CNTROB: variants seen among roughly 807,000 people sequenced by gnomAD.
CNTROB encodes the protein centrobin, centriole duplication and spindle assembly protein.
Under a neutral mutation model 115.7 loss-of-function variants are expected in CNTROB, and 82 were observed. The ratio of observed to expected loss-of-function variants is 0.71; its 90% CI spans 0.59 to 0.85. CNTROB has a LOEUF of 0.85. CNTROB is among the 40% of genes least tolerant of loss of function. CNTROB has a pLI of 0.00. For synonymous variants in CNTROB, 439 were observed against 456.4 expected, an observed-to-expected ratio of 0.96 and a Z score of 0.49; for missense variants, 1,014 against 1,144.4, an observed-to-expected ratio of 0.89 and a Z score of 1.64.
rs1974108473 is a variant in CNTROB at position 7,943,079 on chromosome 17, G to C, written c.1312-312G>C. On this transcript the variant is annotated intron_variant, in intron 9 of 18. Coordinates refer to ENST00000563694, the MANE Select transcript of CNTROB (RefSeq NM_053051.5). This position sits in a 1 kb window ranked among gnomAD's most constrained non-coding sequence, Gnocchi z 4.7. The stretch of plus-strand genomic sequence containing the variant: ...GCCTCCCAAAGTGCTAGGATTACAG[G>C]CGTGAGCCACCGCGCCCAGCCTCAG... 1.3e-5 allele frequency among the ~76,000 whole-genome samples: 2 copies of C among 152,068 alleles called. No homozygotes were observed. The highest frequency in any genetic ancestry group is 4.2e-4 in the South Asian group (2 of 4,814).
chr17:7,935,426 T>A lies in CNTROB; in HGVS notation c.594+281T>A, dbSNP rs915508128. 2.0e-5 allele frequency among the ~76,000 whole-genome samples: 3 copies of A among 150,816 alleles called. No homozygotes were observed. The South Asian group carries it at 6.3e-4, about 32-fold the overall frequency. ...CTGAGGCAGGAGAATGGCGTGAACC[T>A]GGGAGGCGGAGCTTGCAGTGAGCCG... On this transcript the variant is annotated intron_variant, in intron 4 of 18. Coordinates refer to ENST00000563694, the MANE Select transcript of CNTROB (RefSeq NM_053051.5).
intron 1 of CNTROB, among the ~76,000 whole-genome samples, chr17:7,933,604 G>A (rs1040522221): frequency 3.3e-5 from 5 of 152,146 alleles, no homozygotes; most frequent in Non-Finnish European, 5.9e-5. Context: ...CAAACCTATG[G>A]GGTAGGTTGG....
chr17:7,948,139 A>T lies in CNTROB; in HGVS notation c.2210-18A>T, dbSNP rs779056912. On this transcript the variant is annotated intron_variant, in intron 15 of 18. Transcript: ENST00000563694. The surrounding 1 kb of genome is among the most constrained non-coding windows in gnomAD (Gnocchi z 4.4). ...TATGCCCCATTTCCTGATTCTTGGC[A>T]TTCTTTCCTTTTGCTAGGTCCTCTG... is the stretch of plus-strand genomic sequence containing the variant. The T allele has an allele frequency of 5.5e-5, 89 of 1,613,916 alleles. No homozygotes were observed. Among genetic ancestry groups the T allele is most frequent in the Non-Finnish European group, 7.5e-5 (88 of 1,179,896 alleles).
Position 7,935,150 on chromosome 17 carries a change from G to C in CNTROB, c.594+5G>C. 6.2e-7 allele frequency: 1 copy of C among 1,614,168 alleles called. No homozygotes were observed. The highest frequency in any genetic ancestry group is 8.5e-7 in the Non-Finnish European group (1 of 1,180,042). On this transcript the variant is annotated splice_donor_5th_base_variant and intron_variant, in intron 4 of 18. Coordinates refer to ENST00000563694, the MANE Select transcript of CNTROB (RefSeq NM_053051.5). ...TCAGAGCATACCCGCCGCAAGGTAA[G>C]ATGCAAACGCTTCCTTTCGAAAGCA... is the stretch of plus-strand genomic sequence containing the variant.
intron 12 of CNTROB, 86 bp from the exon 13 acceptor site, chr17:7,945,642 A>G (rs1463641164): frequency 2.1e-6 from 3 of 1,410,054 alleles, no homozygotes; most frequent in Non-Finnish European, 2.9e-6. Context: ...CCGGAAATTT[A>G]TAATCTTATT....
intron 7 of CNTROB, 89 bp downstream of exon 7, chr17:7,937,351 A>C: frequency 1.3e-6 from 2 of 1,504,564 alleles, no homozygotes; most frequent in Non-Finnish European, 1.8e-6. Flanking sequence ...GGGAGATTAT[A>C]ATTTGAGTTG....
At chr17:7,940,461 C>G (rs73235738) in intron 9 of CNTROB, among the ~76,000 whole-genome samples, 4,274 of 152,212 alleles carry the variant, frequency 0.028, 185 homozygotes, top group African/African-American at 0.088. Flanking sequence ...CCTAGTGTTA[C>G]TTTTAGGATT....
At position 7,932,341 on chromosome 17, in the gene CNTROB, G is replaced by A. The variant is rs4435314; in HGVS notation, c.-739G>A. On this transcript the variant is annotated 5_prime_UTR_variant, in exon 1 of 19. Transcript: ENST00000563694. The stretch of plus-strand genomic sequence containing the variant: ...AGGACTGGAAGGGTGGAGAGTAGGC[G>A]GAACCAGGTGGTCGTCGGGGCAGAG... 74,313 of 164,484 alleles carry A rather than the reference G, an allele frequency of 0.45. 17,478 individuals are homozygous for A. Among genetic ancestry groups the A allele is most frequent in the East Asian group, 0.72 (3,907 of 5,412 alleles). 10.2% of individuals were successfully genotyped at this position (164,484 alleles called of 1,614,324 possible).
rs538266374 is a variant in CNTROB at position 7,949,410 on chromosome 17, G to A, written c.2612G>A (p.Arg871His). The A allele has an allele frequency of 3.0e-5, 49 of 1,613,966 alleles. 1 individual carries two copies. Among genetic ancestry groups the A allele is most frequent in the Middle Eastern group, 3.3e-4 (2 of 6,062 alleles). ...KEIPSQAVPR[R>H]LATAPKTEKP... Reference sequence around the variant, plus strand: ...ATTCCCTCCCAGGCTGTCCCTCGCCGCCTTGCTACAGCCCCCAAGACTGAA... The same window carrying A: ...ATTCCCTCCCAGGCTGTCCCTCGCCACCTTGCTACAGCCCCCAAGACTGAA... Residue 871 changes from arginine to histidine, a missense_variant, in exon 19 of 19, where the codon CGC (arginine) becomes CAC (histidine). By Grantham distance (29) the Arg-to-His change is conservative. Coordinates refer to ENST00000563694, the MANE Select transcript of CNTROB (RefSeq NM_053051.5).
In CNTROB at chr17:7,945,949, G is replaced by T. The variant is rs778482409; in HGVS notation, c.1956G>T (p.Gln652His). 1.9e-6 allele frequency: 3 copies of T among 1,614,046 alleles called. No homozygotes were observed. The highest frequency in any genetic ancestry group is 2.7e-5 in the African/African-American group (2 of 74,930). The change falls in exon 13 of 19, where the codon CAG becomes CAT. Residue 652 changes from glutamine (Q) to histidine (H), a missense_variant. Physicochemically the swap from Gln to His is conservative, Grantham distance 24 (BLOSUM62 0). Transcript: ENST00000563694. ...GPSFQSQHSF[Q>H]PLEPKPDLTS... ...CTTTTCAGAGCCAGCATTCTTTCCA[G>T]CCCCTGGAGCCCAAACCAGACCTCA...
Position 7,935,494 on chromosome 17 carries a change from T to G in CNTROB, c.594+349T>G, listed in dbSNP as rs370251307. 2.7e-5 allele frequency among the ~76,000 whole-genome samples: 4 copies of G among 148,196 alleles called. No homozygotes were observed. In the East Asian group the frequency reaches 8.0e-4, roughly 30 times the overall value. ...TCCAGCCTGGGCGACAGAGCGAGAC[T>G]CCGTCTCAAAAAAAAAAAACTAAAA... On this transcript the variant is annotated intron_variant, in intron 4 of 18. Coordinates refer to ENST00000563694, the MANE Select transcript of CNTROB (RefSeq NM_053051.5).
Position 7,939,125 on chromosome 17 carries a change from C to G in CNTROB, c.928-388C>G, listed in dbSNP as rs911905353. Among the ~76,000 whole-genome samples the G allele has an allele frequency of 2.6e-5, 4 of 151,760 alleles. No individual in the cohort carries two copies. Among genetic ancestry groups the G allele is most frequent in the African/African-American group, 9.7e-5 (4 of 41,310 alleles). On this transcript the variant is annotated intron_variant, in intron 7 of 18. Transcript: ENST00000563694. This position sits in a 1 kb window ranked among gnomAD's most constrained non-coding sequence, Gnocchi z 4.4. ...GTTTTATTTGAGATGGAGTCTTGCT[C>G]GATGTCGCCTAGGCTGGAGTGCAGT...
chr17:7,944,459 TTC>T lies in CNTROB; in HGVS notation c.1572-11_1572-10del, dbSNP rs747289937. ...TTCCTTAAAGGCCCTGAGTCACTTC[TTC>T]TCTCTTTGCTTCAGACTGGCCCGGG... On this transcript the variant is annotated splice_polypyrimidine_tract_variant and intron_variant, in intron 11 of 18. Coordinates refer to ENST00000563694, the MANE Select transcript of CNTROB (RefSeq NM_053051.5). This position sits in a 1 kb window ranked among gnomAD's most constrained non-coding sequence, Gnocchi z 4.0. The T allele has an allele frequency of 1.2e-6, 2 of 1,611,326 alleles. No homozygotes were observed. The highest frequency in any genetic ancestry group is 4.5e-5 in the East Asian group (2 of 44,798).
At position 7,933,220 on chromosome 17, in the gene CNTROB, G is replaced by T. The variant is rs1320476586; in HGVS notation, c.141G>T (p.Gln47His). The part of the protein sequence containing the change: ...QLYASLRLSR[Q>H]AEATARAQLY... ...ATGCTTCTTTGCGCCTCAGCCGGCA[G>T]GCGGAGGCCACGGCCCGAGCCCAGC... The change falls in exon 1 of 19, where the codon CAG becomes CAT. Residue 47 changes from glutamine (Q) to histidine (H), a missense_variant. Gln to His is a conservative substitution (Grantham distance 24). Coordinates refer to ENST00000563694, the MANE Select transcript of CNTROB (RefSeq NM_053051.5). The T allele has an allele frequency of 1.2e-6, 2 of 1,614,104 alleles. No individual in the cohort carries two copies. Among genetic ancestry groups the T allele is most frequent in the Admixed American group, 3.3e-5 (2 of 60,004 alleles).
intron 3 of CNTROB, 30 bp from the exon 4 acceptor site, chr17:7,934,959 G>A (rs1204373878): frequency 1.3e-6 from 2 of 1,536,752 alleles, no homozygotes; most frequent in Admixed American, 2.1e-5. Flanking sequence ...AGCTTTCCCA[G>A]CCCTAACATT....
At position 7,932,922 on chromosome 17, in the gene CNTROB, A is replaced by T; in HGVS notation, c.-158A>T. On this transcript the variant is annotated 5_prime_UTR_variant, in exon 1 of 19. Transcript: ENST00000563694. The stretch of plus-strand genomic sequence containing the variant: ...TGGAACTGGTGGAAACCTTTCCTCT[A>T]ACCAGAAAGCCTCGATATCCTTAAT... 1.3e-6 allele frequency: 1 copy of T among 790,348 alleles called. No homozygotes were observed. The highest frequency in any genetic ancestry group is 2.0e-6 in the Non-Finnish European group (1 of 502,322). The allele number at this position is 790,348 out of a possible 1,614,324, so 49.0% of individuals were successfully genotyped here. A position where few individuals can be genotyped will look rare whatever the true frequency, so the allele number is the denominator to read the frequency against.
At chr17:7,947,035 T>C (rs752105683) in intron 13 of CNTROB, among the ~76,000 whole-genome samples, 4 of 151,758 alleles carry the variant, frequency 2.6e-5, no homozygotes, top group East Asian at 1.9e-4. Context: ...GTGGCAGGCA[T>C]CTGTAGTCCC....
rs1483586041 is a variant in CNTROB at position 7,943,923 on chromosome 17, G to A, written c.1446-200G>A. 7.2e-5 allele frequency among the ~76,000 whole-genome samples: 11 copies of A among 152,156 alleles called. No individual in the cohort carries two copies. Among genetic ancestry groups the A allele is most frequent in the Non-Finnish European group, 1.5e-4 (10 of 68,028 alleles). ...GCCGAGATTTTCTGGAACTGCTTCCGAAATAAATTTATTTAAGTCTCTGCT... is the reference window on the plus strand; with the variant it reads ...GCCGAGATTTTCTGGAACTGCTTCCAAAATAAATTTATTTAAGTCTCTGCT... On this transcript the variant is annotated intron_variant, in intron 10 of 18. Transcript: ENST00000563694. The surrounding 1 kb of genome is among the most constrained non-coding windows in gnomAD (Gnocchi z 4.7).
intron 12 of CNTROB, chr17:7,945,488 A>C: frequency 2.1e-6 from 1 of 480,326 alleles, no homozygotes; most frequent in South Asian, 3.0e-5. Context: ...AGTAGCTGGG[A>C]CTACACACAC....
Sources: gnomAD v4.1 joint callset for allele counts (sites outside exome capture counted in the v4.1 genomes callset) on GRCh38, gnomAD v4.1.1 for gene constraint, Gnocchi (gnomAD v3.1) non-coding constraint, MANE v1.5 for transcripts, NCBI Gene and HGNC (gene_info 2026-07-23, HGNC 2026-07-21) for gene names.